The following JAZF1 variants were observed in gnomAD, a reference collection of about 807,000 sequenced individuals.
JAZF1 encodes the protein juxtaposed with another zinc finger protein 1.
Under a neutral mutation model 26.4 loss-of-function variants are expected in JAZF1, and 8 were observed. That is an observed-to-expected ratio of 0.30 (90% CI 0.18 to 0.55). The LOEUF (loss-of-function observed/expected upper bound fraction) is 0.55. JAZF1 is among the 20% of genes least tolerant of loss of function. The pLI, the probability that JAZF1 is intolerant of heterozygous loss-of-function variation, is 0.94. For synonymous variants in JAZF1, 126 were observed against 122.3 expected, an observed-to-expected ratio of 1.03 and a Z score of -0.20; for missense variants, 199 against 322.0, an observed-to-expected ratio of 0.62 and a Z score of 2.92.
intron 2 of JAZF1, among the ~76,000 whole-genome samples, chr7:27,957,702 T>C (rs1185270849): frequency 6.6e-6 from 1 of 152,222 alleles, no homozygotes; most frequent in Non-Finnish European, 1.5e-5. Flanking sequence ...CACAGTAAGA[T>C]TAATGAATTC....
At chr7:27,853,634 C>T (rs1329965553) in intron 3 of JAZF1, among the ~76,000 whole-genome samples, 1 of 152,090 alleles carries the variant, frequency 6.6e-6, no homozygotes, top group East Asian at 1.9e-4. Flanking sequence ...CATTATTTAC[C>T]CAGTAGTCAT....
At chr7:27,879,978 T>C (rs1483272033) in intron 3 of JAZF1, among the ~76,000 whole-genome samples, 1 of 152,178 alleles carries the variant, frequency 6.6e-6, no homozygotes, top group Non-Finnish European at 1.5e-5. Context: ...TATTATATAA[T>C]AGAAAACACA....
intron 1 of JAZF1, among the ~76,000 whole-genome samples, chr7:28,146,175 T>A (rs1783024673): frequency 6.6e-6 from 1 of 152,162 alleles, no homozygotes; most frequent in Non-Finnish European, 1.5e-5. Context: ...CCAACAAGAA[T>A]TTAAACAAAG....
chr7:28,071,766 GT>G, intron 1 of JAZF1: 1 of 396,020 alleles, frequency 2.5e-6, no homozygotes, highest in Non-Finnish European at 5.2e-6. Flanking sequence ...ATCAGAAAAA[GT>G]GCAAATTTGC....
rs1445056605 is a variant in JAZF1, at chr7:27,867,574, G to A, written c.386-26707C>T. On this transcript the variant is annotated intron_variant, in intron 3 of 4. Coordinates refer to ENST00000283928, the MANE Select transcript of JAZF1 (RefSeq NM_175061.4). Reference sequence around the variant, plus strand: ...ACCAGCAGTGTCGCTTTTACATATTGCATGTACCAGGCAGGCCTCATAACC... The same window carrying A: ...ACCAGCAGTGTCGCTTTTACATATTACATGTACCAGGCAGGCCTCATAACC... Among the ~76,000 whole-genome samples the A allele has an allele frequency of 2.0e-5, 3 of 152,204 alleles. No individual in the cohort carries two copies. In the East Asian group the frequency reaches 5.8e-4, roughly 29 times the overall value.
At chr7:27,893,905 C>G (rs541903779) in intron 3 of JAZF1, among the ~76,000 whole-genome samples, 13 of 152,258 alleles carry the variant, frequency 8.5e-5, no homozygotes, top group Middle Eastern at 3.4e-3. Flanking sequence ...TCAGCTACCA[C>G]CCTGGGGTAA....
At chr7:28,088,433 C>A (rs1784242358) in intron 1 of JAZF1, among the ~76,000 whole-genome samples, 3 of 152,182 alleles carry the variant, frequency 2.0e-5, no homozygotes, top group Non-Finnish European at 1.5e-5. Context: ...GACCACTGAG[C>A]CACAACTAGG....
At chr7:28,014,124 T>C (rs1285505524) in intron 1 of JAZF1, among the ~76,000 whole-genome samples, 1 of 20,454 alleles carries the variant, frequency 4.9e-5, no homozygotes, top group Non-Finnish European at 8.8e-5. Flanking sequence ...TAAAATTACA[T>C]GGTGGGGGTG....
Position 28,053,344 on chromosome 7 carries a change from G to A in JAZF1, c.116-61363C>T, listed in dbSNP as rs181163391. On this transcript the variant is annotated intron_variant, in intron 1 of 4. Coordinates refer to ENST00000283928, the MANE Select transcript of JAZF1 (RefSeq NM_175061.4). ...TATTTTGGATATATACCCAGAAGTG[G>A]GTTTGGTGAATCACACAGTAATTCT... is the stretch of plus-strand genomic sequence containing the variant. 4.2e-3 allele frequency among the ~76,000 whole-genome samples: 636 copies of A among 152,232 alleles called. 8 individuals are homozygous for A. The highest frequency in any genetic ancestry group is 0.015 in the African/African-American group (611 of 41,510).
intron 2 of JAZF1, among the ~76,000 whole-genome samples, chr7:27,932,167 A>G (rs2128350150): frequency 6.6e-6 from 1 of 152,324 alleles, no homozygotes; most frequent in Admixed American, 6.5e-5. Context: ...AAAGGAAAGA[A>G]AGAGAAACCC....
chr7:28,113,616 C>A (rs1195328843), intron 1 of JAZF1, among the ~76,000 whole-genome samples: 1 of 152,184 alleles, frequency 6.6e-6, no homozygotes, highest in African/African-American at 2.4e-5. Context: ...ATTCATTCAC[C>A]TCTTGTAATG....
intron 2 of JAZF1, among the ~76,000 whole-genome samples, chr7:27,954,731 C>T (rs977831805): frequency 1.3e-5 from 2 of 151,916 alleles, no homozygotes; most frequent in African/African-American, 4.8e-5. Flanking sequence ...CTAAGCATCA[C>T]ATTTGATTTT....
intron 1 of JAZF1, among the ~76,000 whole-genome samples, chr7:28,095,137 C>A (rs1784363127): frequency 6.6e-6 from 1 of 152,188 alleles, no homozygotes; most frequent in African/African-American, 2.4e-5. Context: ...CACAAGTCTT[C>A]AGTTTCATCC....
At chr7:27,909,083 A>ACTTGGTAAATATACTTGGTAAACTGTG (rs1562526075) in intron 2 of JAZF1, among the ~76,000 whole-genome samples, 1 of 151,778 alleles carries the variant, frequency 6.6e-6, no homozygotes, top group African/African-American at 2.4e-5. Context: ...GATCATAGGT[A>ACTTGGTAAATATACTTGGTAAACTGTG]ACTGCAGCCT....
chr7:28,025,359 T>C (rs765814146), intron 1 of JAZF1, among the ~76,000 whole-genome samples: 7 of 152,214 alleles, frequency 4.6e-5, no homozygotes, highest in African/African-American at 1.7e-4. Flanking sequence ...ACGTTCTCCA[T>C]ACAGCAACAT....
intron 1 of JAZF1, among the ~76,000 whole-genome samples, chr7:28,067,867 T>C (rs1161860932): frequency 1.3e-5 from 2 of 152,162 alleles, no homozygotes; most frequent in Non-Finnish European, 2.9e-5. Context: ...CCTCAGTCTC[T>C]CAGCCTAGTG....
chr7:28,162,135 T>C (rs1783302298), intron 1 of JAZF1, among the ~76,000 whole-genome samples: 2 of 152,200 alleles, frequency 1.3e-5, no homozygotes, highest in Non-Finnish European at 2.9e-5. Flanking sequence ...ACTTATTTGG[T>C]CCAAGGCAGG....
At chr7:27,856,282 G>A (rs1783249908) in intron 3 of JAZF1, among the ~76,000 whole-genome samples, 1 of 152,216 alleles carries the variant, frequency 6.6e-6, no homozygotes, top group Non-Finnish European at 1.5e-5. Flanking sequence ...ATCTGCAATT[G>A]TTTGTTCCTC....
chr7:27,839,542 G>A (rs948764510), intron 4 of JAZF1, among the ~76,000 whole-genome samples: 1 of 152,142 alleles, frequency 6.6e-6, no homozygotes, highest in Non-Finnish European at 1.5e-5. Flanking sequence ...GTACAGATGC[G>A]TCCTGAGACC....
Sources: gnomAD v4.1 joint callset for allele counts (sites outside exome capture counted in the v4.1 genomes callset) on GRCh38, gnomAD v4.1.1 for gene constraint, MANE v1.5 for transcripts, NCBI Gene and HGNC (gene_info 2026-07-23, HGNC 2026-07-21) for gene names.